The following KSR2 variants were observed in gnomAD, a reference collection of about 807,000 sequenced individuals.
KSR2 encodes the protein kinase suppressor of ras 2.
A neutral mutation model predicts 107.8 loss-of-function variants in KSR2; 25 were observed. The ratio of observed to expected loss-of-function variants is 0.23; its 90% CI spans 0.17 to 0.32. The LOEUF (loss-of-function observed/expected upper bound fraction) is 0.32, where lower values mean the gene tolerates loss of function less well. Ranked by LOEUF, KSR2 falls within the 10% of genes least tolerant of loss-of-function variation. The probability of loss-of-function intolerance (pLI) is 1.00; values close to 1 mark genes in which losing one functional copy is unlikely to be tolerated. For synonymous variants in KSR2, 480 were observed against 507.0 expected, an observed-to-expected ratio of 0.95 and a Z score of 0.71; for missense variants, 887 against 1,268.9, an observed-to-expected ratio of 0.70 and a Z score of 4.57.
At chr12:117,566,128 C>T (rs1249841671) in intron 7 of KSR2, among the ~76,000 whole-genome samples, 1 of 152,026 alleles carries the variant, frequency 6.6e-6, no homozygotes, top group Non-Finnish European at 1.5e-5. Flanking sequence ...TCCTCCCACC[C>T]TCCTTGCTCA....
At chr12:117,568,389 T>C (rs1344444621) in intron 7 of KSR2, among the ~76,000 whole-genome samples, 1 of 152,182 alleles carries the variant, frequency 6.6e-6, no homozygotes, top group Non-Finnish European at 1.5e-5. Context: ...ATTCTTATAC[T>C]CTGTTCTGCT....
rs1020875092 is a variant in KSR2 at position 117,897,328 on chromosome 12, G to A, written c.181-36897C>T. Among the ~76,000 whole-genome samples, 20 of 152,166 alleles carry A rather than the reference G, an allele frequency of 1.3e-4. No individual in the cohort carries two copies. The highest frequency in any genetic ancestry group is 2.6e-4 in the Non-Finnish European group (18 of 68,032). ...CAGTCAGCACACCATGCTGAAAGGT[G>A]AGAAGGTTGCTTTCCCTGACCCAGC... On this transcript the variant is annotated intron_variant, in intron 1 of 19. Transcript: ENST00000339824. This position sits in a 1 kb window ranked among gnomAD's most constrained non-coding sequence, Gnocchi z 4.5.
intron 4 of KSR2, among the ~76,000 whole-genome samples, chr12:117,675,278 AG>A (rs1885070268): frequency 6.6e-6 from 1 of 152,164 alleles, no homozygotes; most frequent in Non-Finnish European, 1.5e-5. Context: ...CTGGGTCTAC[AG>A]ATGCTCACCC....
intron 3 of KSR2, among the ~76,000 whole-genome samples, chr12:117,794,206 TACACCAACATGCACAC>T (rs1213193937): frequency 2.2e-4 from 11 of 49,784 alleles, no homozygotes; most frequent in African/African-American, 5.4e-4. Context: ...CATGCACACA[TACACCAACATGCACAC>T]ACACCAACAT....
At chr12:117,684,850 T>A (rs1047413376) in intron 4 of KSR2, among the ~76,000 whole-genome samples, 2 of 152,200 alleles carry the variant, frequency 1.3e-5, no homozygotes, top group Admixed American at 1.3e-4. Context: ...GTGATGGCAG[T>A]TCTGGCGGAT....
chr12:117,615,207 CT>C (rs1337517702), intron 5 of KSR2, among the ~76,000 whole-genome samples: 1 of 148,552 alleles, frequency 6.7e-6, no homozygotes, highest in Non-Finnish European at 1.5e-5. Context: ...TCCCTTCTCT[CT>C]TCAGTTACAC....
At chr12:117,495,334 C>T (rs1872962957) in intron 14 of KSR2, among the ~76,000 whole-genome samples, 1 of 152,178 alleles carries the variant, frequency 6.6e-6, no homozygotes, top group South Asian at 2.1e-4. Flanking sequence ...ATGAATCTAA[C>T]ACTCAAGATA....
chr12:117,786,582 G>A (rs1207172284), intron 3 of KSR2, among the ~76,000 whole-genome samples: 14 of 152,190 alleles, frequency 9.2e-5, no homozygotes, highest in African/African-American at 2.4e-4. Flanking sequence ...TTGGGAGGCC[G>A]AGGCAGGCAG....
At chr12:117,781,791 T>G (rs1382240822) in intron 3 of KSR2, among the ~76,000 whole-genome samples, 1 of 152,182 alleles carries the variant, frequency 6.6e-6, no homozygotes, top group Non-Finnish European at 1.5e-5. Context: ...GCACCCAGCC[T>G]GCCTCTGGAG....
chr12:117,662,516 G>A (rs1249261479), intron 5 of KSR2, among the ~76,000 whole-genome samples: 2 of 152,196 alleles, frequency 1.3e-5, no homozygotes, highest in Non-Finnish European at 1.5e-5. Context: ...CAAAAGAGGG[G>A]CAACTCTCTC....
chr12:117,939,216 T>C (rs1384229689), intron 1 of KSR2, among the ~76,000 whole-genome samples: 1 of 152,206 alleles, frequency 6.6e-6, no homozygotes, highest in East Asian at 1.9e-4. Flanking sequence ...GCACTGGTTG[T>C]GCTTAAAACA....
intron 1 of KSR2, among the ~76,000 whole-genome samples, chr12:117,921,700 C>G (rs1218616102): frequency 6.6e-6 from 1 of 152,158 alleles, no homozygotes; most frequent in Non-Finnish European, 1.5e-5. Context: ...TAAATGCAAT[C>G]AATGTAAAGC....
intron 4 of KSR2, among the ~76,000 whole-genome samples, chr12:117,701,820 G>A (rs544056000): frequency 4.2e-4 from 64 of 152,326 alleles, no homozygotes; most frequent in Middle Eastern, 3.4e-3. Context: ...TGGAGCAACG[G>A]AGGCTGCATG....
chr12:117,761,413 A>G lies in KSR2; in HGVS notation c.584T>C (p.Leu195Pro). ...GGACGGGACCCTGGGGCTCTGGGAG[A>G]GATGGGTGCGGATCCACGGGGTGGG... ...PEPTPWIRTH[L>P]SQSPRVPSKC... is the part of the protein sequence containing the mutation. Residue 195 changes from leucine to proline, a missense_variant, in exon 4 of 20, where the codon CTC becomes CCC. Transcript: ENST00000339824. 6.2e-7 allele frequency: 1 copy of G among 1,607,536 alleles called. No homozygotes were observed.
At chr12:117,514,172 GTTGAAAATGCCT>G (rs1874216458) in intron 14 of KSR2, among the ~76,000 whole-genome samples, 2 of 152,236 alleles carry the variant, frequency 1.3e-5, no homozygotes, top group African/African-American at 2.4e-5. Flanking sequence ...AGTGAAAGCT[GTTGAAAATGCCT>G]TCATTTCCAA....
chr12:117,965,296 G>A (rs1337623996), intron 1 of KSR2, among the ~76,000 whole-genome samples: 4 of 152,200 alleles, frequency 2.6e-5, no homozygotes, highest in Non-Finnish European at 5.9e-5. Flanking sequence ...AACCTACTGA[G>A]CCAACTGAAG....
At chr12:117,847,685 C>A (rs1384208812) in intron 3 of KSR2, among the ~76,000 whole-genome samples, 1 of 152,336 alleles carries the variant, frequency 6.6e-6, no homozygotes, top group Non-Finnish European at 1.5e-5. Flanking sequence ...CATGGCCCAC[C>A]GTGGGGGCTG....
At chr12:117,809,701 T>C (rs1250643745) in intron 3 of KSR2, among the ~76,000 whole-genome samples, 1 of 152,236 alleles carries the variant, frequency 6.6e-6, no homozygotes, top group Non-Finnish European at 1.5e-5. Flanking sequence ...AGCTTGCACG[T>C]AAGTCTCACA....
At chr12:117,599,504 T>C (rs1400393587) in intron 5 of KSR2, among the ~76,000 whole-genome samples, 2 of 152,178 alleles carry the variant, frequency 1.3e-5, no homozygotes, top group South Asian at 2.1e-4. Flanking sequence ...TCCACTGACC[T>C]AAATCGAGAA....
Sources: allele counts gnomAD v4.1 joint callset (sites outside exome capture counted in the v4.1 genomes callset), GRCh38; gene constraint gnomAD v4.1.1; non-coding constraint Gnocchi (gnomAD v3.1); transcripts MANE v1.5; gene names NCBI Gene and HGNC (gene_info 2026-07-23, HGNC 2026-07-21).